NR3C1: variants seen among roughly 807,000 people sequenced by gnomAD.
NR3C1 encodes the protein nuclear receptor subfamily 3 group C member 1, also known as glucocorticoid receptor.
NR3C1 carries 14 observed loss-of-function variants against 74.0 expected under a neutral mutation model. The observed-to-expected ratio is 0.19, with a 90% confidence interval of 0.12 to 0.30. The LOEUF (loss-of-function observed/expected upper bound fraction) is 0.30. Among genes scored for constraint, NR3C1 ranks in the 10% least tolerant of loss-of-function variants. The pLI is 1.00. For synonymous variants in NR3C1, 308 were observed against 332.5 expected (o/e 0.93, Z 0.80); for missense variants, 695 against 909.8 (o/e 0.76, Z 3.04).
At chr5:143,376,344 C>G (rs2151871182) in intron 2 of NR3C1, among the ~76,000 whole-genome samples, 1 of 152,298 alleles carries the variant, frequency 6.6e-6, no homozygotes, top group African/African-American at 2.4e-5. Flanking sequence ...ACACAGACAC[C>G]TAAGCAGGGC....
Position 143,400,551 on chromosome 5 carries a change from C to A in NR3C1, c.289G>T (p.Val97Leu). Residue 97 changes from valine to leucine, a missense_variant, in exon 2 of 9, where the codon GTG becomes TTG. By Grantham distance (32) the Val-to-Leu change is conservative (BLOSUM62 1). Transcript: ENST00000394464. Reference protein sequence around the residue: ...GLYMGETETKVMGNDLGFPQQ... With the variant: ...GLYMGETETKLMGNDLGFPQQ... ...GGGAATCCCAGGTCATTTCCCATCA[C>A]TTTTGTTTCTGTCTCTCCCATATAC... is the stretch of plus-strand genomic sequence containing the variant. 1 of 1,614,244 alleles carries A rather than the reference C, an allele frequency of 6.2e-7. No individual in the cohort carries two copies. The highest frequency in any genetic ancestry group is 8.5e-7 in the Non-Finnish European group (1 of 1,180,052).
In NR3C1 at chr5:143,414,716, C is replaced by T. The variant is rs1841423557; in HGVS notation, c.-13-13864G>A. Among the ~76,000 whole-genome samples the T allele has an allele frequency of 2.0e-5, 3 of 151,996 alleles. No individual in the cohort carries two copies. The South Asian group carries it at 6.2e-4, about 32-fold the overall frequency. On this transcript the variant is annotated intron_variant, in intron 1 of 8. Transcript: ENST00000343796. Reference sequence around the variant, plus strand: ...AATTTGTCTTTGTTATGACCCAGTTCAAGTTCTTTCTGGAATTAGGGAAAG... The same window carrying T: ...AATTTGTCTTTGTTATGACCCAGTTTAAGTTCTTTCTGGAATTAGGGAAAG...
chr5:143,349,330 C>G (rs1170122898), intron 2 of NR3C1, among the ~76,000 whole-genome samples: 1 of 152,180 alleles, frequency 6.6e-6, no homozygotes, highest in Non-Finnish European at 1.5e-5. Context: ...ATTGCCTACT[C>G]TCTTCATGAT....
chr5:143,412,967 CTTAA>C (rs771786967), intron 1 of NR3C1, among the ~76,000 whole-genome samples: 2 of 152,180 alleles, frequency 1.3e-5, no homozygotes, highest in South Asian at 2.1e-4. Flanking sequence ...AAGAGACTTT[CTTAA>C]TTAATATTCT....
chr5:143,388,337 A>G (rs957654430), intron 2 of NR3C1, among the ~76,000 whole-genome samples: 1 of 152,220 alleles, frequency 6.6e-6, no homozygotes, highest in African/African-American at 2.4e-5. Context: ...GATATTCACT[A>G]TCTGCTGACA....
At chr5:143,362,988 A>C (rs1832561471) in intron 2 of NR3C1, among the ~76,000 whole-genome samples, 1 of 152,172 alleles carries the variant, frequency 6.6e-6, no homozygotes, top group African/African-American at 2.4e-5. Context: ...GGAAAGATGG[A>C]GTAGGCTCCA....
intron 3 of NR3C1, 139 bp from the exon 4 acceptor site, chr5:143,310,352 T>C (rs61753482): frequency 1.3e-5 from 9 of 690,360 alleles, no homozygotes; most frequent in Non-Finnish European, 2.3e-5. Context: ...CTTGCCTACA[T>C]TGCCATTATG....
intron 2 of NR3C1, among the ~76,000 whole-genome samples, chr5:143,387,212 G>T (rs911438217): frequency 1.3e-5 from 2 of 151,886 alleles, no homozygotes; most frequent in African/African-American, 4.8e-5. Context: ...TGAATCTCAG[G>T]GTCTTTGTGG....
At chr5:143,310,652 TTTTTTA>T (rs1015317064) in intron 3 of NR3C1, among the ~76,000 whole-genome samples, 4 of 152,102 alleles carry the variant, frequency 2.6e-5, no homozygotes, top group African/African-American at 9.7e-5. Flanking sequence ...TAGATTATGT[TTTTTTA>T]TTTTTATTTT....
chr5:143,368,674 A>G (rs184708947), intron 2 of NR3C1, among the ~76,000 whole-genome samples: 2 of 152,298 alleles, frequency 1.3e-5, no homozygotes, highest in East Asian at 3.9e-4. Context: ...AGATGAAAAG[A>G]TGTTCAACAT....
chr5:143,344,015 A>AT (rs35299297), intron 2 of NR3C1, among the ~76,000 whole-genome samples: 49 of 151,496 alleles, frequency 3.2e-4, no homozygotes, highest in Admixed American at 1.9e-3. Flanking sequence ...ACTGTCAGCT[A>AT]TTTTTTTTTC....
chr5:143,307,903 C>G (rs1421153696), intron 4 of NR3C1, among the ~76,000 whole-genome samples: 2 of 152,170 alleles, frequency 1.3e-5, no homozygotes, highest in African/African-American at 4.8e-5. Flanking sequence ...AAGCAAACTT[C>G]TGTGTGCATT....
intron 2 of NR3C1, among the ~76,000 whole-genome samples, chr5:143,328,403 G>C (rs555580583): frequency 1.3e-5 from 2 of 152,240 alleles, no homozygotes; most frequent in East Asian, 3.9e-4. Flanking sequence ...CCATTGTCTT[G>C]GTTATTAACA....
intron 1 of NR3C1, among the ~76,000 whole-genome samples, chr5:143,408,801 G>A (rs1841199756): frequency 6.6e-6 from 1 of 152,102 alleles, no homozygotes. Context: ...AGTTAGGGAT[G>A]TTCAATGTGT....
intron 2 of NR3C1, among the ~76,000 whole-genome samples, chr5:143,381,312 T>C (rs942093201): frequency 3.3e-5 from 5 of 151,978 alleles, no homozygotes; most frequent in African/African-American, 1.2e-4. Context: ...AAAAGAAAGA[T>C]AGTCCATGCT....
intron 2 of NR3C1, among the ~76,000 whole-genome samples, chr5:143,388,549 G>T (rs1224967812): frequency 6.6e-6 from 1 of 152,222 alleles, no homozygotes; most frequent in East Asian, 1.9e-4. Context: ...ATTGTAGCAG[G>T]TGAGCAGATA....
chr5:143,308,513 AT>A lies in NR3C1; in HGVS notation c.1468+1583del, dbSNP rs531871538. 2.2e-4 allele frequency among the ~76,000 whole-genome samples: 33 copies of A among 152,212 alleles called. 1 individual carries two copies. In the East Asian group the frequency reaches 6.4e-3, roughly 29 times the overall value. ...TCATAAAAGGAACCACATGGTTTCC[AT>A]TCTCTCTCAGTACTGCCATCTCTTA... On this transcript the variant is annotated intron_variant, in intron 4 of 8. Transcript: ENST00000394464.
At chr5:143,435,192 T>C in exon 1 of NR3C1, 1 of 985,502 alleles carries the variant, frequency 1.0e-6, no homozygotes, top group Non-Finnish European at 1.2e-6. Flanking sequence ...TTTCCCTTTT[T>C]TCTTCTCTTA....
At chr5:143,348,167 T>G (rs1829634437) in intron 2 of NR3C1, among the ~76,000 whole-genome samples, 1 of 152,236 alleles carries the variant, frequency 6.6e-6, no homozygotes, top group South Asian at 2.1e-4. Flanking sequence ...CATCAGCTCG[T>G]GTTTCCGGTA....
Sources: allele counts gnomAD v4.1 joint callset (sites outside exome capture counted in the v4.1 genomes callset), GRCh38; gene constraint gnomAD v4.1.1; transcripts MANE v1.5; gene names NCBI Gene and HGNC (gene_info 2026-07-23, HGNC 2026-07-21).